Variants in F5 observed in about 807,000 individuals in gnomAD.
The protein encoded by F5 is coagulation factor V.
Under a neutral mutation model 216.4 loss-of-function variants are expected in F5, and 138 were observed. That is an observed-to-expected ratio of 0.64 (90% CI 0.56 to 0.73). The LOEUF is 0.73. F5 is among the 30% of genes least tolerant of loss of function. The pLI, the probability that F5 is intolerant of heterozygous loss-of-function variation, is 0.00. For missense variants in F5, 2,403 were observed against 2,674.0 expected (o/e 0.90, Z 2.24); for synonymous variants, 916 against 930.7 (o/e 0.98, Z 0.29).
chr1:169,547,294 T>G (rs1660032418), intron 10 of F5, among the ~76,000 whole-genome samples: 1 of 152,228 alleles, frequency 6.6e-6, no homozygotes, highest in Admixed American at 6.5e-5. Context: ...AAAGCTTTCA[T>G]GACGAACATG....
At chr1:169,563,990 AG>A (rs1660543081) in intron 3 of F5, among the ~76,000 whole-genome samples, 1 of 152,056 alleles carries the variant, frequency 6.6e-6, no homozygotes, top group African/African-American at 2.4e-5. Context: ...ACTAGTATTG[AG>A]TTTTATTCAC....
intron 13 of F5, 124 bp downstream of exon 13, chr1:169,540,170 T>C: frequency 9.8e-7 from 1 of 1,025,244 alleles, no homozygotes; most frequent in African/African-American, 1.6e-5. Flanking sequence ...CAGGCCAACT[T>C]GCAATAGGGG....
At chr1:169,577,876 A>T (rs1317800587) in intron 2 of F5, among the ~76,000 whole-genome samples, 1 of 151,934 alleles carries the variant, frequency 6.6e-6, no homozygotes, top group Non-Finnish European at 1.5e-5. Context: ...GCCCCCTACA[A>T]TTACAAGAAC....
chr1:169,547,453 G>T (rs1050460594), intron 10 of F5, among the ~76,000 whole-genome samples: 2 of 152,062 alleles, frequency 1.3e-5, no homozygotes, highest in Non-Finnish European at 2.9e-5. Flanking sequence ...TCTGGCAAAG[G>T]TCTAATATGG....
At chr1:169,569,447 T>C (rs1029147777) in intron 3 of F5, among the ~76,000 whole-genome samples, 1 of 152,100 alleles carries the variant, frequency 6.6e-6, no homozygotes, top group South Asian at 2.1e-4. Context: ...AAATTCTCCA[T>C]GAAACAAGCT....
rs758463065 is a variant in F5, at chr1:169,556,529, G to C, written c.952+117C>G. 2.6e-5 allele frequency: 24 copies of C among 937,200 alleles called. 1 individual carries two copies. In the South Asian group the frequency reaches 3.1e-4, roughly 12 times the overall value. 58.1% of individuals were successfully genotyped at this position (937,200 alleles called of 1,614,324 possible). On this transcript the variant is annotated intron_variant, in intron 6 of 24. Transcript: ENST00000367797. Reference sequence around the variant, plus strand: ...TATCTAAGTTTGGTTGTTAGGAACTGAGGAAAGTTTGTCTGCGGTGCAGGT... The same window carrying C: ...TATCTAAGTTTGGTTGTTAGGAACTCAGGAAAGTTTGTCTGCGGTGCAGGT...
chr1:169,559,047 G>T, intron 5 of F5, 106 bp downstream of exon 5: 1 of 1,223,360 alleles, frequency 8.2e-7, no homozygotes. Context: ...ATAGGGAGTT[G>T]CAAAACAGTG....
intron 20 of F5, among the ~76,000 whole-genome samples, 163 bp from the exon 21 acceptor site, chr1:169,523,515 T>C (rs1175318249): frequency 6.6e-6 from 1 of 152,182 alleles, no homozygotes; most frequent in African/African-American, 2.4e-5. Flanking sequence ...GGGCACAGAG[T>C]ACCTAAATTT....
chr1:169,578,964 TAG>T (rs938782305), intron 2 of F5, among the ~76,000 whole-genome samples: 2 of 152,186 alleles, frequency 1.3e-5, no homozygotes, highest in African/African-American at 2.4e-5. Flanking sequence ...GGCATTTCTA[TAG>T]AGTCTTCCCT....
At chr1:169,570,168 G>A (rs1426146547) in intron 3 of F5, among the ~76,000 whole-genome samples, 1 of 152,004 alleles carries the variant, frequency 6.6e-6, no homozygotes, top group Non-Finnish European at 1.5e-5. Flanking sequence ...GAAAGCTGTG[G>A]GAGCATTTTA....
In F5 at chr1:169,542,940, T is replaced by A. The variant is rs746047294; in HGVS notation, c.2150A>T (p.Asp717Val). 6.2e-7 allele frequency: 1 copy of A among 1,614,118 alleles called. No homozygotes were observed. The highest frequency in any genetic ancestry group is 8.5e-7 in the Non-Finnish European group (1 of 1,179,998). ...RKMHDRLEPE[D>V]EESDADYDYQ... ...ATCATAGTCAGCATCACTCTCTTCA[T>A]CTTCAGGTTCTAAACGATCATGCAT... The change falls in exon 13 of 25, where the codon GAT becomes GTT. Residue 717 changes from aspartate (D) to valine (V), a missense_variant. Physicochemically the swap from Asp to Val is radical, Grantham distance 152 (BLOSUM62 -3). Coordinates refer to ENST00000367797, the MANE Select transcript of F5 (RefSeq NM_000130.5).
rs750760680 is a variant in F5, at chr1:169,543,106, T to A, written c.1984A>T (p.Met662Leu). 6.2e-7 allele frequency: 1 copy of A among 1,613,356 alleles called. No homozygotes were observed. The highest frequency in any genetic ancestry group is 1.1e-5 in the South Asian group (1 of 91,070). ...GGACTAGAATTCATGGAAGTTAACA[T>A]CCAAGTTCCTACAGAAGAGAGACAG... is the stretch of plus-strand genomic sequence containing the variant. ...TVTMDNVGTW[M>L]LTSMNSSPRS... The change falls in exon 13 of 25, where the codon ATG becomes TTG. Residue 662 changes from methionine (M) to leucine (L), a missense_variant. Met to Leu is a conservative substitution (Grantham distance 15). This residue lies in a region of F5 where 1,425 missense variants were observed against 1,554.8 expected (regional missense o/e 0.92). Transcript: ENST00000367797.
Position 169,536,681 on chromosome 1 carries a change from C to T in F5, c.4797-1G>A, listed in dbSNP as rs1659712720. 1 of 1,602,754 alleles carries T rather than the reference C, an allele frequency of 6.2e-7. No homozygotes were observed. Among genetic ancestry groups the T allele is most frequent in the African/African-American group, 1.3e-5 (1 of 74,664 alleles). On this transcript the variant is annotated splice_acceptor_variant, in intron 13 of 24. Transcript: ENST00000367797. LOFTEE classifies it high-confidence loss of function. ...ATCAGAGTCTTCAATATCTGTTTCC[C>T]TGAAATAATAATACTATTTGTGTAA... is the stretch of plus-strand genomic sequence containing the variant.
At position 169,540,743 on chromosome 1, in the gene F5, C is replaced by T. The variant is rs145732153; in HGVS notation, c.4347G>A (p.Pro1449=). ...GAGGAGGTGATATCTGGCTGAGATC[C>T]GGGAGAAGGGTGGTGTCACTGATGT... ...SPDISDTTLL[P]DLSQISPPPD... The change falls in exon 13 of 25, where the codon CCG becomes CCA. Residue 1449 remains proline (P), a synonymous_variant. Transcript: ENST00000367797. 7.1e-5 allele frequency: 115 copies of T among 1,613,714 alleles called. No homozygotes were observed. Among genetic ancestry groups the T allele is most frequent in the African/African-American group, 3.5e-4 (26 of 74,826 alleles).
At chr1:169,553,892 T>C (rs1660245550) in intron 7 of F5, among the ~76,000 whole-genome samples, 1 of 152,242 alleles carries the variant, frequency 6.6e-6, no homozygotes, top group South Asian at 2.1e-4. Flanking sequence ...AGTATGGCAG[T>C]TCCTCCAAGA....
chr1:169,521,619 T>C (rs1659310245), intron 21 of F5, among the ~76,000 whole-genome samples: 1 of 100,674 alleles, frequency 9.9e-6, no homozygotes, highest in Non-Finnish European at 2.1e-5. Context: ...GAAAAGATTT[T>C]TTTTTTTTTT....
At chr1:169,576,287 A>G (rs779627316) in intron 2 of F5, among the ~76,000 whole-genome samples, 2 of 152,116 alleles carry the variant, frequency 1.3e-5, no homozygotes, top group African/African-American at 2.4e-5. Context: ...CAGAGGTCCT[A>G]TCTTTCCCTA....
Position 169,543,080 on chromosome 1 carries a change from T to G in F5, c.2010A>C (p.Pro670=). 1 of 1,613,940 alleles carries G rather than the reference T, an allele frequency of 6.2e-7. No homozygotes were observed. The highest frequency in any genetic ancestry group is 8.5e-7 in the Non-Finnish European group (1 of 1,179,920). ...ATTTCAGCCTCAGCTTTTTGCTTCT[T>G]GGACTAGAATTCATGGAAGTTAACA... ...TWMLTSMNSS[P]RSKKLRLKFR... is the part of the protein sequence containing the mutation. Residue 670 remains proline, a synonymous_variant, in exon 13 of 25, where the codon CCA becomes CCC. Transcript: ENST00000367797.
In F5 at chr1:169,514,395, G is replaced by T. The variant is rs878881708; in HGVS notation, c.6593C>A (p.Ser2198Tyr). ...VKNFFNPPII[S>Y]RFIRVIPKTW... ...TTTAGGAATGACACGGATAAACCTG[G>T]AAATGATTGGGGGGTTGAAAAAGTT... The change falls in exon 25 of 25, where the codon TCC becomes TAC. Residue 2198 changes from serine to tyrosine, a missense_variant. Around this residue, in one of 4 missense-constraint regions of F5, gnomAD observed 659 missense variants for 787.9 expected, o/e 0.84. Transcript: ENST00000367797. 6.2e-7 allele frequency: 1 copy of T among 1,613,310 alleles called. No individual in the cohort carries two copies. The highest frequency in any genetic ancestry group is 1.7e-5 in the Admixed American group (1 of 59,872).
Sources: allele counts gnomAD v4.1 joint callset (sites outside exome capture counted in the v4.1 genomes callset), GRCh38; gene constraint gnomAD v4.1.1; regional missense constraint gnomAD v4.1.1; transcripts MANE v1.5; gene names NCBI Gene and HGNC (gene_info 2026-07-23, HGNC 2026-07-21).